Variants in ARK2N observed in about 807,000 individuals in gnomAD.
ARK2N encodes arkadia (RNF111) N-terminal like PKA signaling regulator 2N.
At chr18:46,194,466 G>GT in the ARK2N span, among the ~76,000 whole-genome samples, 3,445 of 137,926 alleles carry the variant, frequency 0.025, 77 homozygotes, top group African/African-American at 0.048. Flanking sequence ...TCTTTTTTTT[G>GT]TTTTTTTTTT....
At chr18:46,222,857 A>C in the ARK2N span, among the ~76,000 whole-genome samples, 1 of 152,146 alleles carries the variant, frequency 6.6e-6, no homozygotes, top group Admixed American at 6.5e-5. Flanking sequence ...ACAATTATGA[A>C]CCTACATTGA....
At chr18:46,195,466 C>G in the ARK2N span, among the ~76,000 whole-genome samples, 1 of 150,524 alleles carries the variant, frequency 6.6e-6, no homozygotes, top group Non-Finnish European at 1.5e-5. Context: ...CCAGGCTGGT[C>G]TCAAACTCCT....
the ARK2N span, among the ~76,000 whole-genome samples, chr18:46,176,748 G>T: frequency 6.6e-6 from 1 of 151,922 alleles, no homozygotes; most frequent in Non-Finnish European, 1.5e-5. Flanking sequence ...CTACCAATTA[G>T]CTGGGATTAC....
chr18:46,230,599 T>C, the ARK2N span, among the ~76,000 whole-genome samples: 1 of 152,216 alleles, frequency 6.6e-6, no homozygotes, highest in African/African-American at 2.4e-5. Flanking sequence ...ATATCCGGAC[T>C]ATTGTATCTC....
chr18:46,199,263 A>G, the ARK2N span, among the ~76,000 whole-genome samples: 2 of 152,034 alleles, frequency 1.3e-5, no homozygotes, highest in Non-Finnish European at 2.9e-5. Context: ...AGGCTGAACT[A>G]CATTTCCTAG....
the ARK2N span, among the ~76,000 whole-genome samples, chr18:46,177,827 C>G: frequency 6.6e-6 from 1 of 152,080 alleles, no homozygotes; most frequent in East Asian, 1.9e-4. Flanking sequence ...AAGGATCGCT[C>G]AGGAGGTTGA....
At chr18:46,190,511 CA>C in the ARK2N span, among the ~76,000 whole-genome samples, 748 of 150,060 alleles carry the variant, frequency 5.0e-3, 10 homozygotes, top group African/African-American at 0.017. Context: ...AAAAAAAAAA[CA>C]ATTACAGCTT....
chr18:46,259,249 T>C, the ARK2N span, among the ~76,000 whole-genome samples: 2 of 150,702 alleles, frequency 1.3e-5, no homozygotes, highest in African/African-American at 2.4e-5. Flanking sequence ...CTTTCTTTTT[T>C]TTTTTTTTTT....
At chr18:46,192,109 C>A in the ARK2N span, among the ~76,000 whole-genome samples, 1 of 152,192 alleles carries the variant, frequency 6.6e-6, no homozygotes, top group African/African-American at 2.4e-5. Context: ...TGGTTGCTTC[C>A]AATTTTTGGT....
At chr18:46,239,995 T>G in the ARK2N span, 1 of 1,612,862 alleles carries the variant, frequency 6.2e-7, no homozygotes, top group Admixed American at 1.7e-5. Flanking sequence ...ACATTTTCTT[T>G]CCTCCCTAGA....
the ARK2N span, among the ~76,000 whole-genome samples, chr18:46,252,533 C>G: frequency 3.3e-5 from 5 of 152,050 alleles, no homozygotes; most frequent in African/African-American, 7.2e-5. Context: ...CTTGGCCTCC[C>G]AAAGTGCTGG....
the ARK2N span, chr18:46,217,553 G>A: frequency 1.3e-5 from 2 of 152,146 alleles, no homozygotes; most frequent in East Asian, 3.8e-4. Flanking sequence ...TTTTCTGAAA[G>A]CTTTCTGTTT....
chr18:46,189,452 T>A, the ARK2N span, among the ~76,000 whole-genome samples: 2 of 152,150 alleles, frequency 1.3e-5, no homozygotes, highest in African/African-American at 4.8e-5. Flanking sequence ...ATTAAAACTT[T>A]TTTTTAAAAA....
chr18:46,191,914 T>C, the ARK2N span, among the ~76,000 whole-genome samples: 1 of 152,210 alleles, frequency 6.6e-6, no homozygotes, highest in Non-Finnish European at 1.5e-5. Flanking sequence ...AATGATACAA[T>C]ATGTAGTTTT....
the ARK2N span, among the ~76,000 whole-genome samples, chr18:46,193,262 G>A: frequency 6.6e-6 from 1 of 152,038 alleles, no homozygotes; most frequent in Non-Finnish European, 1.5e-5. Flanking sequence ...TGGCAGTATT[G>A]GTTCTGTGAG....
the ARK2N span, among the ~76,000 whole-genome samples, chr18:46,198,733 G>T: frequency 6.6e-6 from 1 of 151,974 alleles, no homozygotes; most frequent in Non-Finnish European, 1.5e-5. Flanking sequence ...CAAGTAGCTG[G>T]GACTACAGGC....
the ARK2N span, among the ~76,000 whole-genome samples, chr18:46,179,729 G>A: frequency 2.0e-5 from 3 of 151,738 alleles, no homozygotes; most frequent in South Asian, 6.2e-4. Flanking sequence ...GGGTTCAAGC[G>A]ATTCTCCTGC....
chr18:46,213,762 T>A, the ARK2N span, among the ~76,000 whole-genome samples: 2 of 152,180 alleles, frequency 1.3e-5, no homozygotes, highest in African/African-American at 4.8e-5. Context: ...AGTGGCGTGA[T>A]CTTGGCTCAC....
chr18:46,191,010 A>G, the ARK2N span, among the ~76,000 whole-genome samples: 146 of 152,200 alleles, frequency 9.6e-4, no homozygotes, highest in African/African-American at 3.1e-3. Flanking sequence ...CTCTGGCCCA[A>G]TTGGATCCAG....
Sources: gnomAD v4.1 joint callset for allele counts (sites outside exome capture counted in the v4.1 genomes callset) on GRCh38, gnomAD v4.1.1 for gene constraint, MANE v1.5 for transcripts, NCBI Gene and HGNC (gene_info 2026-07-23, HGNC 2026-07-21) for gene names.